SLC7A9: variants seen among roughly 807,000 people sequenced by gnomAD.
SLC7A9 encodes the protein solute carrier family 7 member 9, also known as B(0,+)-type amino acid transporter 1.
In SLC7A9, 38 loss-of-function variants were observed where a neutral mutation model predicts 54.1. That is an observed-to-expected ratio of 0.70 (90% CI 0.54 to 0.92). The LOEUF (loss-of-function observed/expected upper bound fraction) is 0.92. Among genes scored for constraint, SLC7A9 ranks in the 40% least tolerant of loss-of-function variants. The pLI is 0.00. For synonymous variants in SLC7A9, 264 were observed against 258.9 expected (o/e 1.02, Z -0.19); for missense variants, 537 against 636.1 (o/e 0.84, Z 1.68).
intron 11 of SLC7A9, 109 bp downstream of exon 11, chr19:32,842,059 G>C (rs538884496): frequency 9.3e-7 from 1 of 1,077,928 alleles, no homozygotes; most frequent in African/African-American, 1.6e-5. Context: ...TATTTTAAAA[G>C]AGTCAAGTCA....
rs1424792919 is a variant in SLC7A9, at chr19:32,860,259, T to TA, written c.750-296dup. On this transcript the variant is annotated intron_variant, in intron 7 of 12. Transcript: ENST00000023064. ...ACTCTAAGCGTGCATAGTGAGCTCATAAGAAACCATTCGCTGGCCGGGTGC... is the reference window on the plus strand; with the variant it reads ...ACTCTAAGCGTGCATAGTGAGCTCATAAAGAAACCATTCGCTGGCCGGGTGC... The TA allele has an allele frequency of 4.3e-6, 6 of 1,399,356 alleles. 1 individual carries two copies. In the Middle Eastern group the frequency reaches 1.3e-3, roughly 296 times the overall value. The allele number at this position is 1,399,356 out of a possible 1,614,324, so 86.7% of individuals were successfully genotyped here.
intron 9 of SLC7A9, among the ~76,000 whole-genome samples, chr19:32,847,238 G>A (rs550733822): frequency 3.3e-5 from 5 of 152,146 alleles, no homozygotes; most frequent in African/African-American, 4.8e-5. Flanking sequence ...CAACTACTCC[G>A]AGCTACAGGA....
intron 2 of SLC7A9, among the ~76,000 whole-genome samples, chr19:32,867,929 CAAAAAAAAAAA>C (rs57446079): frequency 6.1e-5 from 4 of 66,008 alleles, no homozygotes; most frequent in East Asian, 5.6e-4. Context: ...GACTCTGTCT[CAAAAAAAAAAA>C]AAAAAAAAAA....
intron 9 of SLC7A9, 69 bp from the exon 10 acceptor site, chr19:32,844,020 T>C: frequency 8.1e-7 from 1 of 1,228,766 alleles, no homozygotes; most frequent in Non-Finnish European, 1.2e-6. Context: ...ACTGAGGACT[T>C]GTGCTCCGGG....
intron 6 of SLC7A9, among the ~76,000 whole-genome samples, chr19:32,861,385 A>T (rs978279147): frequency 4.6e-5 from 7 of 152,124 alleles, no homozygotes; most frequent in African/African-American, 1.7e-4. Flanking sequence ...TAAACTCGAT[A>T]AATATATAAA....
In SLC7A9 at chr19:32,854,083, G is replaced by C. The variant is rs148420610; in HGVS notation, c.977+4357C>G. Among the ~76,000 whole-genome samples, 673 of 150,958 alleles carry C rather than the reference G, an allele frequency of 4.5e-3. 4 individuals are homozygous for C. Among genetic ancestry groups the C allele is most frequent in the African/African-American group, 0.016 (638 of 41,026 alleles). ...AGTGCAGTGCAGTGGTGCAATCTCA[G>C]CTCACTGCAGCCTCGACCTCCTGGG... On this transcript the variant is annotated intron_variant, in intron 9 of 12. Coordinates refer to ENST00000023064, the MANE Select transcript of SLC7A9 (RefSeq NM_014270.5).
chr19:32,861,532 C>T (rs1387997278), intron 6 of SLC7A9, among the ~76,000 whole-genome samples: 1 of 152,142 alleles, frequency 6.6e-6, no homozygotes. Context: ...GAGCTTGGGG[C>T]TGGGCGCAGT....
intron 9 of SLC7A9, among the ~76,000 whole-genome samples, chr19:32,852,766 T>C (rs960313796): frequency 6.6e-6 from 1 of 151,992 alleles, no homozygotes; most frequent in African/African-American, 2.4e-5. Context: ...ATATAGAAAT[T>C]CCATAAAATC....
intron 11 of SLC7A9, among the ~76,000 whole-genome samples, chr19:32,836,778 T>G (rs1967970460): frequency 6.6e-6 from 1 of 152,194 alleles, no homozygotes; most frequent in African/African-American, 2.4e-5. Context: ...AGATGGTTGC[T>G]ATATGGTTTG....
Position 32,833,208 on chromosome 19 carries a change from C to A in SLC7A9, c.1340G>T (p.Gly447Val). Residue 447 changes from glycine (G) to valine (V), a missense_variant, in exon 12 of 13, where the codon GGC becomes GTC. Physicochemically the swap from Gly to Val is moderately radical, Grantham distance 109 (BLOSUM62 -3). Transcript: ENST00000023064. ...YLYCVLFILS[G>V]LLFYFLFVHY... ...GACAAACAGGAAGTAAAATAAAAGGCCGCTTAATATAAACAGCACACAGTA... is the reference window on the plus strand; with the variant it reads ...GACAAACAGGAAGTAAAATAAAAGGACGCTTAATATAAACAGCACACAGTA... 1 of 1,614,164 alleles carries A rather than the reference C, an allele frequency of 6.2e-7. No homozygotes were observed.
intron 9 of SLC7A9, among the ~76,000 whole-genome samples, chr19:32,844,718 C>T (rs554497271): frequency 6.6e-6 from 1 of 151,596 alleles, no homozygotes; most frequent in South Asian, 2.1e-4. Context: ...GTAGTCCCAG[C>T]TACTCAGGGG....
Position 32,868,622 on chromosome 19 carries a change from C to T in SLC7A9, c.-88G>A. 3 of 1,127,962 alleles carry T rather than the reference C, an allele frequency of 2.7e-6. No homozygotes were observed. In the South Asian group the frequency reaches 3.7e-5, roughly 14 times the overall value. 69.9% of individuals were successfully genotyped at this position (1,127,962 alleles called of 1,614,324 possible). ...GCAGCAGACAAGACGCAAGTGCAAGCTCGGCCTGGACTAGGGGAGCTGGCT... is the reference window on the plus strand; with the variant it reads ...GCAGCAGACAAGACGCAAGTGCAAGTTCGGCCTGGACTAGGGGAGCTGGCT... On this transcript the variant is annotated 5_prime_UTR_variant, in exon 2 of 13. Coordinates refer to ENST00000023064, the MANE Select transcript of SLC7A9 (RefSeq NM_014270.5).
At chr19:32,839,966 C>T (rs563647065) in intron 11 of SLC7A9, among the ~76,000 whole-genome samples, 5 of 152,134 alleles carry the variant, frequency 3.3e-5, no homozygotes, top group African/African-American at 1.2e-4. Context: ...GGAAATGTTT[C>T]TTGAATTATG....
At chr19:32,860,550 GGAGAA>G (rs545404042) in intron 7 of SLC7A9, 51 bp downstream of exon 7, 115 of 1,613,770 alleles carry the variant, frequency 7.1e-5, no homozygotes, top group Non-Finnish European at 9.2e-5. Flanking sequence ...GCCTTCACCA[GGAGAA>G]GAGAAATCAG....
At chr19:32,835,899 G>T (rs1054631278) in intron 11 of SLC7A9, among the ~76,000 whole-genome samples, 2 of 123,008 alleles carry the variant, frequency 1.6e-5, no homozygotes, top group Non-Finnish European at 3.4e-5. Flanking sequence ...CTGTGTGTGT[G>T]TGTGTGTGTG....
chr19:32,854,946 C>T (rs1002147323), intron 9 of SLC7A9, among the ~76,000 whole-genome samples: 7 of 152,042 alleles, frequency 4.6e-5, no homozygotes, highest in Non-Finnish European at 1.0e-4. Context: ...TCCTATGTAC[C>T]TCTGGGTATA....
In SLC7A9 at chr19:32,862,547, C is replaced by T. The variant is rs764934201; in HGVS notation, c.518G>A (p.Gly173Glu). 1.2e-6 allele frequency: 2 copies of T among 1,613,954 alleles called. No individual in the cohort carries two copies. The highest frequency in any genetic ancestry group is 1.1e-5 in the South Asian group (1 of 91,062). The change falls in exon 5 of 13, where the codon GGA becomes GAA. Residue 173 changes from glycine (G) to glutamate (E), a missense_variant. Transcript: ENST00000023064. The part of the protein sequence containing the change: ...STVNSLSVRL[G>E]SYVQNIFTAA... ...GGTGAAGATGTTCTGGACGTAGCTT[C>T]CCAGCCGCACGCTCAGTGAGTTCAC...
intron 9 of SLC7A9, among the ~76,000 whole-genome samples, chr19:32,853,267 G>A (rs1968522312): frequency 6.6e-6 from 1 of 152,214 alleles, no homozygotes; most frequent in South Asian, 2.1e-4. Flanking sequence ...GACAGAAGTA[G>A]ATTAGTGGTT....
chr19:32,868,821 C>A (rs940363769), intron 1 of SLC7A9, among the ~76,000 whole-genome samples, 176 bp from the exon 2 acceptor site: 4 of 152,140 alleles, frequency 2.6e-5, no homozygotes, highest in African/African-American at 9.7e-5. Flanking sequence ...CCAGACAGGC[C>A]CCGGGAGCCT....
Sources: allele counts gnomAD v4.1 joint callset (sites outside exome capture counted in the v4.1 genomes callset), GRCh38; gene constraint gnomAD v4.1.1; transcripts MANE v1.5; gene names NCBI Gene and HGNC (gene_info 2026-07-23, HGNC 2026-07-21).